FAT3: variants seen among roughly 807,000 people sequenced by gnomAD.
FAT3 encodes protocadherin Fat 3.
FAT3 carries 95 observed loss-of-function variants against 310.2 expected under a neutral mutation model. The ratio of observed to expected loss-of-function variants is 0.31; its 90% CI spans 0.26 to 0.36. The LOEUF is 0.36. FAT3 is among the 10% of genes least tolerant of loss of function. The probability of loss-of-function intolerance (pLI) is 1.00; values close to 1 mark genes in which losing one functional copy is unlikely to be tolerated. For synonymous variants in FAT3, 2,314 were observed against 2,192.9 expected (o/e 1.06, Z -1.54); for missense variants, 5,408 against 5,715.6 (o/e 0.95, Z 1.74).
intron 15 of FAT3, among the ~76,000 whole-genome samples, chr11:92,835,515 G>A (rs574968925): frequency 7.9e-5 from 12 of 152,120 alleles, no homozygotes; most frequent in South Asian, 6.2e-4. Flanking sequence ...ATTTCAAAAC[G>A]GCTAAGAGTA....
intron 22 of FAT3, among the ~76,000 whole-genome samples, chr11:92,872,335 C>G (rs1353240985): frequency 6.6e-6 from 1 of 152,188 alleles, no homozygotes; most frequent in Non-Finnish European, 1.5e-5. Flanking sequence ...ACTGGTGTGG[C>G]CTCCCTCTCC....
chr11:92,528,030 T>C (rs181306329), intron 3 of FAT3, among the ~76,000 whole-genome samples: 1 of 152,338 alleles, frequency 6.6e-6, no homozygotes, highest in African/African-American at 2.4e-5. Flanking sequence ...AAGATTAAAA[T>C]GATTAACGCC....
chr11:92,301,820 G>A (rs1565211657), intron 1 of FAT3, among the ~76,000 whole-genome samples: 2 of 151,990 alleles, frequency 1.3e-5, no homozygotes, highest in African/African-American at 2.4e-5. Context: ...TGTTGCTGTT[G>A]TTTGTTGTTT....
intron 22 of FAT3, among the ~76,000 whole-genome samples, chr11:92,868,661 C>T (rs147596917): frequency 2.6e-4 from 40 of 152,270 alleles, no homozygotes; most frequent in Non-Finnish European, 4.7e-4. Context: ...ATACTTTTAA[C>T]GATGGCAGGA....
intron 1 of FAT3, among the ~76,000 whole-genome samples, chr11:92,313,216 T>C (rs1192664671): frequency 6.6e-6 from 1 of 151,286 alleles, no homozygotes; most frequent in African/African-American, 2.5e-5. Flanking sequence ...GCAGAAACTG[T>C]AGCCAGCTGA....
At chr11:92,248,939 G>A (rs553893295) in intron 1 of FAT3, among the ~76,000 whole-genome samples, 1 of 152,218 alleles carries the variant, frequency 6.6e-6, no homozygotes, top group South Asian at 2.1e-4. Flanking sequence ...CTTACAGATA[G>A]ATTGAGGTTC....
At chr11:92,417,687 A>G (rs991419220) in intron 2 of FAT3, among the ~76,000 whole-genome samples, 6 of 152,346 alleles carry the variant, frequency 3.9e-5, no homozygotes, top group Admixed American at 3.9e-4. Context: ...TAGCATGGGC[A>G]AAGTTTCATA....
At chr11:92,254,314 G>A (rs540210195) in intron 1 of FAT3, among the ~76,000 whole-genome samples, 8 of 152,222 alleles carry the variant, frequency 5.3e-5, no homozygotes, top group African/African-American at 1.4e-4. Context: ...GAGAAATCTC[G>A]CAGAAGGAGC....
chr11:92,267,489 G>A (rs988452844), intron 1 of FAT3, among the ~76,000 whole-genome samples: 7 of 151,964 alleles, frequency 4.6e-5, no homozygotes, highest in South Asian at 2.1e-4. Context: ...AGAGTTTGGC[G>A]GAGGGTCCTT....
At chr11:92,888,000 C>T (rs1173157223) in intron 25 of FAT3, among the ~76,000 whole-genome samples, 1 of 152,116 alleles carries the variant, frequency 6.6e-6, no homozygotes, top group Non-Finnish European at 1.5e-5. Context: ...ATCTATAAAT[C>T]CTTGCTGAAT....
chr11:92,382,146 C>T (rs568333464), intron 2 of FAT3, among the ~76,000 whole-genome samples: 28 of 152,110 alleles, frequency 1.8e-4, no homozygotes, highest in Non-Finnish European at 3.4e-4. Context: ...CCTTTGATTC[C>T]GGATTTTAAT....
chr11:92,259,351 G>T (rs1428011650), intron 1 of FAT3, among the ~76,000 whole-genome samples: 2 of 151,864 alleles, frequency 1.3e-5, no homozygotes, highest in South Asian at 2.1e-4. Flanking sequence ...ATGACTGAAG[G>T]GTATGTTAAT....
chr11:92,612,149 T>C (rs563592324), intron 3 of FAT3, among the ~76,000 whole-genome samples: 1 of 152,322 alleles, frequency 6.6e-6, no homozygotes, highest in East Asian at 1.9e-4. Context: ...TTTTCTTTCC[T>C]TTTTTTACTT....
intron 1 of FAT3, among the ~76,000 whole-genome samples, chr11:92,237,085 A>G (rs530846565): frequency 6.6e-6 from 1 of 152,170 alleles, no homozygotes; most frequent in African/African-American, 2.4e-5. Flanking sequence ...TTCCAGCATC[A>G]TGGTGGAGCA....
At chr11:92,257,924 G>A (rs1865378774) in intron 1 of FAT3, among the ~76,000 whole-genome samples, 1 of 152,090 alleles carries the variant, frequency 6.6e-6, no homozygotes, top group Admixed American at 6.6e-5. Context: ...TATGCAATCA[G>A]TTTTTACCTC....
intron 1 of FAT3, among the ~76,000 whole-genome samples, chr11:92,343,090 G>T (rs1404959816): frequency 6.6e-6 from 1 of 152,152 alleles, no homozygotes; most frequent in Admixed American, 6.6e-5. Context: ...ATAAAGGAGG[G>T]TATTCGTAAC....
At chr11:92,871,545 C>CT (rs1298165654) in intron 22 of FAT3, among the ~76,000 whole-genome samples, 3 of 152,266 alleles carry the variant, frequency 2.0e-5, no homozygotes, top group East Asian at 1.9e-4. Context: ...TTCTCAAACT[C>CT]TAAGATGCAT....
At position 92,533,576 on chromosome 11, in the gene FAT3, A is replaced by G. The variant is rs551334284; in HGVS notation, c.3607+8628A>G. ...TTCTTTATAAAACTGAATTACAGGC[A>G]GGGATAGGGAGCTTTAATAAAAGGA... On this transcript the variant is annotated intron_variant, in intron 3 of 27. Transcript: ENST00000525166. Among the ~76,000 whole-genome samples the G allele has an allele frequency of 5.9e-5, 9 of 152,322 alleles. No individual in the cohort carries two copies. The East Asian group carries it at 1.5e-3, about 26-fold the overall frequency.
chr11:92,825,064 TA>T (rs982202919), intron 13 of FAT3, among the ~76,000 whole-genome samples: 24 of 152,344 alleles, frequency 1.6e-4, no homozygotes, highest in African/African-American at 5.3e-4. Context: ...TGTTAAATAT[TA>T]AAAAACTAAA....
Sources: gnomAD v4.1 joint callset for allele counts (sites outside exome capture counted in the v4.1 genomes callset) on GRCh38, gnomAD v4.1.1 for gene constraint, MANE v1.5 for transcripts, NCBI Gene and HGNC (gene_info 2026-07-23, HGNC 2026-07-21) for gene names.